CACNA1A: variants seen among roughly 807,000 people sequenced by gnomAD.
CACNA1A encodes the protein voltage-dependent P/Q-type calcium channel subunit alpha-1A.
A neutral mutation model predicts 262.4 loss-of-function variants in CACNA1A; 57 were observed. The ratio of observed to expected loss-of-function variants is 0.22; its 90% confidence interval spans 0.18 to 0.27. The LOEUF (loss-of-function observed/expected upper bound fraction) is 0.27, where lower values mean the gene tolerates loss of function less well. Among genes scored for constraint, CACNA1A ranks in the 10% least tolerant of loss-of-function variants. CACNA1A has a pLI of 1.00. For synonymous variants in CACNA1A, 1,431 were observed against 1,419.3 expected (o/e 1.01, Z -0.18); for missense variants, 2,526 against 3,562.8 (o/e 0.71, Z 7.41).
chr19:13,258,199 T>G (rs910892342), intron 27 of CACNA1A: 1 of 152,254 alleles, frequency 6.6e-6, no homozygotes, highest in African/African-American at 2.4e-5. Context: ...TAAAGGGACG[T>G]GCTGAAGACC....
At chr19:13,239,653 A>G (rs2056002190) in intron 31 of CACNA1A, among the ~76,000 whole-genome samples, 1 of 152,016 alleles carries the variant, frequency 6.6e-6, no homozygotes, top group Non-Finnish European at 1.5e-5. Flanking sequence ...GGTGGGTAGG[A>G]GAGGGGCAGA....
At chr19:13,345,644 G>GA (rs1175027451) in intron 6 of CACNA1A, among the ~76,000 whole-genome samples, 2 of 151,956 alleles carry the variant, frequency 1.3e-5, no homozygotes, top group Admixed American at 6.6e-5. Flanking sequence ...AAAACAAAAG[G>GA]AAAAAACCCC....
chr19:13,290,185 C>A (rs11882787), intron 19 of CACNA1A, among the ~76,000 whole-genome samples: 4,429 of 151,850 alleles, frequency 0.029, 211 homozygotes, highest in African/African-American at 0.097. Context: ...ATCCATTGGC[C>A]TTGGCCTCCC....
At chr19:13,370,193 C>G (rs1346855118) in intron 4 of CACNA1A, among the ~76,000 whole-genome samples, 1 of 149,984 alleles carries the variant, frequency 6.7e-6, no homozygotes, top group African/African-American at 2.5e-5. Context: ...CTCCGCCCCC[C>G]GGGTTCAAGT....
intron 1 of CACNA1A, among the ~76,000 whole-genome samples, chr19:13,466,265 A>T (rs2061236144): frequency 7.5e-6 from 1 of 133,306 alleles, no homozygotes. Flanking sequence ...ATGGGCCTTT[A>T]CTCATTGCAC....
intron 3 of CACNA1A, among the ~76,000 whole-genome samples, chr19:13,388,448 G>T (rs530268764): frequency 6.6e-6 from 1 of 151,986 alleles, no homozygotes; most frequent in African/African-American, 2.4e-5. Flanking sequence ...TAGAGACAGG[G>T]TTTCATCATG....
intron 1 of CACNA1A, among the ~76,000 whole-genome samples, chr19:13,465,939 C>A (rs2061226703): frequency 6.6e-6 from 1 of 152,128 alleles, no homozygotes. Flanking sequence ...CTGTTGACTA[C>A]CTAGAATAGG....
intron 1 of CACNA1A, among the ~76,000 whole-genome samples, chr19:13,466,916 G>A (rs1016853588): frequency 4.5e-4 from 40 of 88,300 alleles, no homozygotes; most frequent in Non-Finnish European, 7.1e-4. Flanking sequence ...TTATTTATTT[G>A]TAGAGATGGG....
intron 20 of CACNA1A, among the ~76,000 whole-genome samples, chr19:13,285,952 ATTTTTTTTTTTTT>A (rs74181819): frequency 1.0e-5 from 1 of 95,808 alleles, no homozygotes; most frequent in African/African-American, 4.2e-5. Context: ...GCAGTTCACC[ATTTTTTTTTTTTT>A]TTTTTTTTTT....
chr19:13,415,465 G>C (rs1208749460), intron 3 of CACNA1A, among the ~76,000 whole-genome samples: 1 of 151,946 alleles, frequency 6.6e-6, no homozygotes, highest in Non-Finnish European at 1.5e-5. Flanking sequence ...ATGAGGCCAG[G>C]CGTGGTGGCT....
chr19:13,435,247 G>A (rs1342408871), intron 3 of CACNA1A, among the ~76,000 whole-genome samples: 3 of 151,726 alleles, frequency 2.0e-5, no homozygotes, highest in Non-Finnish European at 2.9e-5. Flanking sequence ...CTGGGTAGCT[G>A]GAATTACAGG....
chr19:13,423,078 C>T (rs1317271677), intron 3 of CACNA1A, among the ~76,000 whole-genome samples: 1 of 152,340 alleles, frequency 6.6e-6, no homozygotes, highest in East Asian at 1.9e-4. Flanking sequence ...CTCTTACAAC[C>T]TTGAAGCTAC....
At chr19:13,444,031 A>G (rs1411693486) in intron 3 of CACNA1A, among the ~76,000 whole-genome samples, 2 of 152,184 alleles carry the variant, frequency 1.3e-5, no homozygotes, top group African/African-American at 4.8e-5. Flanking sequence ...TATCACTGTC[A>G]CTGCTGGTGT....
At chr19:13,346,868 C>T (rs1020361712) in intron 6 of CACNA1A, among the ~76,000 whole-genome samples, 2 of 147,898 alleles carry the variant, frequency 1.4e-5, no homozygotes, top group African/African-American at 2.5e-5. Context: ...TTAGTAGAGA[C>T]GGGGTTTCAC....
intron 3 of CACNA1A, among the ~76,000 whole-genome samples, chr19:13,446,595 C>T (rs1382425338): frequency 6.7e-6 from 1 of 149,616 alleles, no homozygotes; most frequent in African/African-American, 2.5e-5. Context: ...GTGCACACCA[C>T]ACCACCATGC....
intron 19 of CACNA1A, among the ~76,000 whole-genome samples, chr19:13,294,203 CAA>C (rs57648096): frequency 4.9e-4 from 49 of 99,606 alleles, no homozygotes; most frequent in South Asian, 1.4e-3. Context: ...GACCCTGCCT[CAA>C]AAAAAAAAAA....
intron 15 of CACNA1A, among the ~76,000 whole-genome samples, chr19:13,304,819 C>T (rs55735897): frequency 0.12 from 18,487 of 152,134 alleles, 1,519 homozygotes; most frequent in Non-Finnish European, 0.17. Context: ...TTGGACTTCC[C>T]GGCCTCCAGA....
chr19:13,320,299 C>A (rs1455940534), intron 10 of CACNA1A, among the ~76,000 whole-genome samples: 5 of 150,046 alleles, frequency 3.3e-5, no homozygotes, highest in Non-Finnish European at 5.9e-5. Flanking sequence ...AGAAGGTCCC[C>A]AGCCCCCACT....
At chr19:13,345,468 C>G (rs1482289800) in intron 6 of CACNA1A, among the ~76,000 whole-genome samples, 15 of 152,274 alleles carry the variant, frequency 9.9e-5, no homozygotes. Context: ...CTGGTGGTGC[C>G]TGGTGCTTAG....
Sources: allele counts gnomAD v4.1 joint callset (sites outside exome capture counted in the v4.1 genomes callset), GRCh38; gene constraint gnomAD v4.1.1; transcripts MANE v1.5; gene names NCBI Gene and HGNC (gene_info 2026-07-23, HGNC 2026-07-21).